CD96: variants seen among roughly 807,000 people sequenced by gnomAD.
CD96 encodes CD96 molecule.
In CD96, 70 loss-of-function variants were observed where a neutral mutation model predicts 71.3. The ratio of observed to expected loss-of-function variants is 0.98; its 90% CI spans 0.81 to 1.20. The LOEUF (loss-of-function observed/expected upper bound fraction) is 1.20, where lower values mean the gene tolerates loss of function less well. CD96 is among the 50% of genes most tolerant of loss of function. The pLI is 0.00. For synonymous variants in CD96, 248 were observed against 233.0 expected (o/e 1.06, Z -0.59); for missense variants, 742 against 677.5 (o/e 1.10, Z -1.06).
At chr3:111,564,310 CTT>C (rs1255744722) in intron 2 of CD96, among the ~76,000 whole-genome samples, 1 of 151,502 alleles carries the variant, frequency 6.6e-6, no homozygotes, top group Non-Finnish European at 1.5e-5. Context: ...CTTTGAATCT[CTT>C]TTATCAACTT....
At chr3:111,654,105 G>T (rs1253006749), downstream of CD96, among the ~76,000 whole-genome samples, 1 of 152,178 alleles carries the variant, frequency 6.6e-6, no homozygotes, top group Non-Finnish European at 1.5e-5. Flanking sequence ...CCTGAAGGTT[G>T]AATCTTCAGA....
At chr3:111,578,139 C>T (rs1219036537) in intron 3 of CD96, among the ~76,000 whole-genome samples, 4 of 152,184 alleles carry the variant, frequency 2.6e-5, no homozygotes, top group South Asian at 2.1e-4. Context: ...CCTAACCCAT[C>T]CTCTACCCTT....
chr3:111,554,629 A>C lies in CD96; in HGVS notation c.418+9227A>C, dbSNP rs114660547. ...TAATAATATATGTATTAAACTCAAC[A>C]GTTCAGTGTTAAATTAAGGATTTAA... is the stretch of plus-strand genomic sequence containing the variant. On this transcript the variant is annotated intron_variant, in intron 2 of 13. Transcript: ENST00000352690. 7.9e-3 allele frequency among the ~76,000 whole-genome samples: 1,208 copies of C among 152,162 alleles called. 18 individuals carry two copies. Among genetic ancestry groups the C allele is most frequent in the African/African-American group, 0.027 (1,124 of 41,524 alleles).
intron 13 of CD96, among the ~76,000 whole-genome samples, chr3:111,648,092 C>CT (rs57648312): frequency 7.2e-4 from 109 of 152,130 alleles, no homozygotes; most frequent in Middle Eastern, 6.8e-3. Flanking sequence ...TTTCCAGCTG[C>CT]TTTTTTTACC....
intron 2 of CD96, among the ~76,000 whole-genome samples, chr3:111,563,920 T>G (rs1056026660): frequency 6.6e-6 from 1 of 152,192 alleles, no homozygotes; most frequent in African/African-American, 2.4e-5. Context: ...CTTTCTGTAG[T>G]CTTTATTAAA....
intron 3 of CD96, among the ~76,000 whole-genome samples, 186 bp downstream of exon 3, chr3:111,567,833 A>G (rs1187705491): frequency 6.6e-6 from 1 of 152,224 alleles, no homozygotes; most frequent in African/African-American, 2.4e-5. Flanking sequence ...CAAGCCTCTG[A>G]GTCTATGAAT....
At chr3:111,615,158 T>A (rs1199072504) in intron 8 of CD96, among the ~76,000 whole-genome samples, 1 of 152,258 alleles carries the variant, frequency 6.6e-6, no homozygotes, top group Non-Finnish European at 1.5e-5. Flanking sequence ...AAAAATTTTG[T>A]TCTGCATTAA....
intron 8 of CD96, among the ~76,000 whole-genome samples, chr3:111,620,231 C>T (rs555278769): frequency 3.3e-5 from 5 of 152,312 alleles, no homozygotes; most frequent in African/African-American, 7.2e-5. Context: ...CTTATGTGAT[C>T]GTCTGGTTGA....
intron 5 of CD96, among the ~76,000 whole-genome samples, chr3:111,592,463 G>A (rs562897408): frequency 6.3e-4 from 96 of 152,266 alleles, no homozygotes; most frequent in Middle Eastern, 6.8e-3. Flanking sequence ...GCAAAATCAA[G>A]TTAACTCATT....
intron 2 of CD96, among the ~76,000 whole-genome samples, chr3:111,556,082 C>A (rs1935007055): frequency 6.6e-6 from 1 of 152,296 alleles, no homozygotes; most frequent in South Asian, 2.1e-4. Flanking sequence ...TTGCTACTGA[C>A]ATTTCAACTC....
intron 5 of CD96, chr3:111,595,343 GAGTGAAAGC>G (rs1472548646): frequency 1.3e-5 from 2 of 152,070 alleles, no homozygotes; most frequent in Non-Finnish European, 2.9e-5. Flanking sequence ...TTCCTGCGCA[GAGTGAAAGC>G]ACTCCTGCAC....
chr3:111,552,166 T>A (rs980420612), intron 2 of CD96, among the ~76,000 whole-genome samples: 3 of 152,194 alleles, frequency 2.0e-5, no homozygotes, highest in Admixed American at 6.5e-5. Context: ...GTAAATTTGT[T>A]TAAGTTCCTT....
intron 3 of CD96, among the ~76,000 whole-genome samples, chr3:111,568,259 T>C (rs1183150292): frequency 6.6e-6 from 1 of 152,060 alleles, no homozygotes; most frequent in Non-Finnish European, 1.5e-5. Flanking sequence ...AAGCCAGAAA[T>C]CTGGATTTTT....
Position 111,579,127 on chromosome 3 carries a change from T to C in CD96, c.644T>C (p.Leu215Pro). ...DRVKLGTDYR[L>P]HLSPVQIFDD... ...GTCAAGCTTGGTACAGACTACAGAC[T>C]CCACCTCTCTCCAGTCCAAATCTTC... Residue 215 changes from leucine to proline, a missense_variant, in exon 4 of 14, where the codon CTC becomes CCC. By Grantham distance (98) the Leu-to-Pro change is moderately conservative. Transcript: ENST00000352690. The C allele has an allele frequency of 6.3e-7, 1 of 1,591,792 alleles. No individual in the cohort carries two copies. The highest frequency in any genetic ancestry group is 8.6e-7 in the Non-Finnish European group (1 of 1,159,632).
intron 7 of CD96, among the ~76,000 whole-genome samples, chr3:111,603,815 T>C (rs962325110): frequency 1.1e-4 from 17 of 152,330 alleles, no homozygotes; most frequent in Admixed American, 3.3e-4. Flanking sequence ...GATATCTTAA[T>C]AGTGGAACAG....
intron 7 of CD96, among the ~76,000 whole-genome samples, chr3:111,604,131 G>C (rs1576377622): frequency 6.6e-6 from 1 of 152,280 alleles, no homozygotes; most frequent in East Asian, 1.9e-4. Context: ...CTTACTTCTA[G>C]GTGGATGAGA....
At chr3:111,630,674 C>T (rs556893112) in intron 10 of CD96, among the ~76,000 whole-genome samples, 1 of 152,154 alleles carries the variant, frequency 6.6e-6, no homozygotes, top group Non-Finnish European at 1.5e-5. Context: ...CAGCATCATC[C>T]TGATACCAAA....
chr3:111,626,197 A>G (rs1938745374), intron 10 of CD96, among the ~76,000 whole-genome samples: 1 of 146,822 alleles, frequency 6.8e-6, no homozygotes, highest in Non-Finnish European at 1.5e-5. Context: ...GCTACTCGGG[A>G]GGCTGAGGCA....
chr3:111,585,682 G>A (rs1371198269), intron 5 of CD96, among the ~76,000 whole-genome samples: 1 of 152,224 alleles, frequency 6.6e-6, no homozygotes, highest in Admixed American at 6.5e-5. Flanking sequence ...TGAGGACAAA[G>A]TAGGGCAGAA....
Sources: allele counts gnomAD v4.1 joint callset (sites outside exome capture counted in the v4.1 genomes callset), GRCh38; gene constraint gnomAD v4.1.1; transcripts MANE v1.5; gene names NCBI Gene and HGNC (gene_info 2026-07-23, HGNC 2026-07-21).